NOS1AP: variants seen among roughly 807,000 people sequenced by gnomAD.
The protein encoded by NOS1AP is carboxyl-terminal PDZ ligand of neuronal nitric oxide synthase protein.
In NOS1AP, 21 loss-of-function variants were observed where a neutral mutation model predicts 56.2. That is an observed-to-expected ratio of 0.37 (90% CI 0.26 to 0.54). The LOEUF is 0.54. NOS1AP is among the 20% of genes least tolerant of loss of function. The pLI is 0.84. For synonymous variants in NOS1AP, 270 were observed against 274.6 expected, an observed-to-expected ratio of 0.98 and a Z score of 0.17; for missense variants, 522 against 657.8, an observed-to-expected ratio of 0.79 and a Z score of 2.26.
intron 2 of NOS1AP, among the ~76,000 whole-genome samples, chr1:162,234,845 G>T (rs1653233922): frequency 6.6e-6 from 1 of 152,152 alleles, no homozygotes; most frequent in Admixed American, 6.5e-5. Flanking sequence ...ATTGAGTGGG[G>T]AATTGTAGCC....
At chr1:162,324,416 C>CTTTTTTTTTTTTTTTTTTTTTTTT (rs35946766) in intron 4 of NOS1AP, among the ~76,000 whole-genome samples, 3 of 72,148 alleles carry the variant, frequency 4.2e-5, no homozygotes, top group African/African-American at 4.9e-5. Flanking sequence ...GGACACTAGC[C>CTTTTTTTTTTTTTTTTTTTTTTTT]TTTTTTTTTT....
At chr1:162,126,187 T>C (rs1160263847) in intron 1 of NOS1AP, among the ~76,000 whole-genome samples, 1 of 152,194 alleles carries the variant, frequency 6.6e-6, no homozygotes, top group Non-Finnish European at 1.5e-5. Context: ...GGAGGAGGCT[T>C]GAGGCTTTTC....
chr1:162,329,177 T>C (rs1488829763), intron 4 of NOS1AP, among the ~76,000 whole-genome samples: 2 of 152,218 alleles, frequency 1.3e-5, no homozygotes, highest in African/African-American at 4.8e-5. Flanking sequence ...TGTAAAAGCA[T>C]AACAGTTCTG....
intron 2 of NOS1AP, among the ~76,000 whole-genome samples, chr1:162,246,629 G>A (rs1373706060): frequency 6.6e-6 from 1 of 152,178 alleles, no homozygotes; most frequent in Non-Finnish European, 1.5e-5. Flanking sequence ...ATACTGTACA[G>A]AAATAGTAAT....
chr1:162,190,255 A>G (rs941273798), intron 2 of NOS1AP, among the ~76,000 whole-genome samples: 1 of 152,176 alleles, frequency 6.6e-6, no homozygotes, highest in Non-Finnish European at 1.5e-5. Flanking sequence ...TGGCTCCGCC[A>G]TCTCTCTAGG....
chr1:162,298,115 C>T (rs2101750942), intron 3 of NOS1AP, among the ~76,000 whole-genome samples: 1 of 152,366 alleles, frequency 6.6e-6, no homozygotes, highest in East Asian at 1.9e-4. Context: ...GGAAGACCGT[C>T]CTCACTGGCA....
intron 4 of NOS1AP, among the ~76,000 whole-genome samples, chr1:162,302,371 G>A (rs1655694556): frequency 1.3e-5 from 2 of 152,160 alleles, no homozygotes; most frequent in African/African-American, 2.4e-5. Context: ...TCATCGAAGG[G>A]AACAATTATC....
At chr1:162,151,830 G>T (rs1649719038) in intron 1 of NOS1AP, among the ~76,000 whole-genome samples, 1 of 152,076 alleles carries the variant, frequency 6.6e-6, no homozygotes. Flanking sequence ...GTAGGGGTGT[G>T]GGGTGAGGCA....
intron 2 of NOS1AP, among the ~76,000 whole-genome samples, chr1:162,216,515 C>T (rs74125981): frequency 0.014 from 2,181 of 152,302 alleles, 42 homozygotes; most frequent in African/African-American, 0.05. Flanking sequence ...GCATTTTAGT[C>T]TCAGCTTTGC....
At position 162,198,162 on chromosome 1, in the gene NOS1AP, G is replaced by A. The variant is rs201121694; in HGVS notation, c.177+43686G>A. Reference sequence around the variant, plus strand: ...GAGAGAGTGGGCTGGTGTGATGCTCGTTTAGGGGCTGGGAGGGAGCTAGGG... The same window carrying A: ...GAGAGAGTGGGCTGGTGTGATGCTCATTTAGGGGCTGGGAGGGAGCTAGGG... On this transcript the variant is annotated intron_variant, in intron 2 of 9. Transcript: ENST00000361897. Among the ~76,000 whole-genome samples the A allele has an allele frequency of 4.6e-5, 7 of 152,148 alleles. No individual in the cohort carries two copies. The East Asian group carries it at 7.7e-4, about 17-fold the overall frequency.
intron 4 of NOS1AP, among the ~76,000 whole-genome samples, chr1:162,309,062 T>A (rs1475638723): frequency 6.6e-6 from 1 of 152,252 alleles, no homozygotes; most frequent in Admixed American, 6.5e-5. Context: ...GCATACTCTG[T>A]TTTTGTTATA....
chr1:162,309,826 A>G (rs1410753315), intron 4 of NOS1AP, among the ~76,000 whole-genome samples: 1 of 152,216 alleles, frequency 6.6e-6, no homozygotes. Context: ...AAAAGGTCCT[A>G]TGGGGATAAA....
At chr1:162,342,651 G>A (rs1236173059) in intron 5 of NOS1AP, 2 of 471,520 alleles carry the variant, frequency 4.2e-6, no homozygotes, top group East Asian at 1.2e-4. Flanking sequence ...AGGCCTTCTA[G>A]ACTTATCAAA....
intron 3 of NOS1AP, among the ~76,000 whole-genome samples, chr1:162,293,479 C>T (rs186363054): frequency 1.2e-3 from 179 of 152,292 alleles, no homozygotes; most frequent in South Asian, 7.7e-3. Context: ...CTTTTTGGCA[C>T]GGTTCCAGGA....
chr1:162,170,762 C>G (rs1281813810), intron 2 of NOS1AP, among the ~76,000 whole-genome samples: 1 of 151,906 alleles, frequency 6.6e-6, no homozygotes, highest in Non-Finnish European at 1.5e-5. Flanking sequence ...CCTGTCTCGA[C>G]TAAAAATACA....
chr1:162,228,717 A>G (rs899355386), intron 2 of NOS1AP, among the ~76,000 whole-genome samples: 19 of 152,214 alleles, frequency 1.2e-4, no homozygotes, highest in African/African-American at 3.4e-4. Flanking sequence ...CTGCCTGCCA[A>G]AAGCAAACAA....
chr1:162,162,534 C>A (rs774002465), intron 2 of NOS1AP, among the ~76,000 whole-genome samples: 1 of 152,184 alleles, frequency 6.6e-6, no homozygotes, highest in African/African-American at 2.4e-5. Flanking sequence ...CTGAGTATCA[C>A]CCTGTGTATT....
At chr1:162,305,316 G>A (rs1321825216) in intron 4 of NOS1AP, among the ~76,000 whole-genome samples, 3 of 151,250 alleles carry the variant, frequency 2.0e-5, no homozygotes. Context: ...TTTTAGCCCC[G>A]GTCACCTCTA....
intron 2 of NOS1AP, among the ~76,000 whole-genome samples, chr1:162,250,466 A>G (rs981749797): frequency 2.6e-5 from 4 of 152,158 alleles, no homozygotes; most frequent in Admixed American, 6.5e-5. Context: ...AATCCATTTC[A>G]TTCATACTCT....
Sources: gnomAD v4.1 joint callset for allele counts (sites outside exome capture counted in the v4.1 genomes callset) on GRCh38, gnomAD v4.1.1 for gene constraint, MANE v1.5 for transcripts, NCBI Gene and HGNC (gene_info 2026-07-23, HGNC 2026-07-21) for gene names.